Variants in CDIN1 observed in about 807,000 individuals in gnomAD.
The protein encoded by CDIN1 is CDAN1-interacting nuclease 1.
In CDIN1, 33 loss-of-function variants were observed where a neutral mutation model predicts 45.3. The ratio of observed to expected loss-of-function variants is 0.73; its 90% CI spans 0.55 to 0.97. CDIN1 has a LOEUF of 0.97. Ranked by LOEUF, CDIN1 falls within the 50% of genes least tolerant of loss-of-function variation. The pLI, the probability that CDIN1 is intolerant of heterozygous loss-of-function variation, is 0.00. For synonymous variants in CDIN1, 118 were observed against 124.4 expected, an observed-to-expected ratio of 0.95 and a Z score of 0.34; for missense variants, 303 against 339.4, an observed-to-expected ratio of 0.89 and a Z score of 0.84.
chr15:36,681,101 A>G (rs936071726), intron 5 of CDIN1, among the ~76,000 whole-genome samples: 36 of 152,294 alleles, frequency 2.4e-4, no homozygotes, highest in African/African-American at 8.7e-4. Context: ...ACTATAAACT[A>G]TAAGACAAAG....
intron 10 of CDIN1, among the ~76,000 whole-genome samples, chr15:36,805,369 CA>C (rs2055193517): frequency 6.6e-6 from 1 of 152,160 alleles, no homozygotes; most frequent in Non-Finnish European, 1.5e-5. Context: ...CTCTGCTGTG[CA>C]TATCTCCTCA....
At chr15:36,701,122 GTAGATAGATAGATAGATAGA>G (rs200063950) in intron 8 of CDIN1, among the ~76,000 whole-genome samples, 25 of 103,806 alleles carry the variant, frequency 2.4e-4, no homozygotes, top group East Asian at 2.0e-3. Flanking sequence ...AGATAGGTAG[GTAGATAGATAGATAGATAGA>G]TAGATAGATA....
At chr15:36,750,226 G>A (rs2053423486) in intron 10 of CDIN1, among the ~76,000 whole-genome samples, 1 of 151,966 alleles carries the variant, frequency 6.6e-6, no homozygotes, top group Non-Finnish European at 1.5e-5. Flanking sequence ...AAAAAAAACT[G>A]TTGAGACCAT....
chr15:36,774,591 G>A (rs1214585284), intron 10 of CDIN1, among the ~76,000 whole-genome samples: 2 of 151,970 alleles, frequency 1.3e-5, no homozygotes, highest in South Asian at 2.1e-4. Context: ...CCAATGTGCT[G>A]TTGGTAGTTT....
chr15:36,673,767 T>G (rs1255343154), intron 5 of CDIN1, among the ~76,000 whole-genome samples: 1 of 152,070 alleles, frequency 6.6e-6, no homozygotes, highest in Non-Finnish European at 1.5e-5. Context: ...AAAACTATAC[T>G]ATACCAAATA....
At chr15:36,762,392 T>A (rs2053789967) in intron 10 of CDIN1, among the ~76,000 whole-genome samples, 1 of 152,206 alleles carries the variant, frequency 6.6e-6, no homozygotes, top group Non-Finnish European at 1.5e-5. Flanking sequence ...AAAATGGCTA[T>A]TCTGTTCTGA....
intron 10 of CDIN1, among the ~76,000 whole-genome samples, chr15:36,791,543 C>A (rs1350969283): frequency 6.6e-6 from 1 of 151,882 alleles, no homozygotes; most frequent in Non-Finnish European, 1.5e-5. Context: ...TTTTATTATA[C>A]CATATATCTG....
chr15:36,681,353 C>G (rs955126047), intron 5 of CDIN1, among the ~76,000 whole-genome samples: 1 of 151,964 alleles, frequency 6.6e-6, no homozygotes, highest in Non-Finnish European at 1.5e-5. Context: ...TCTAGGGTGA[C>G]TCTAAGGAAA....
chr15:36,643,697 T>G (rs1382762211), intron 1 of CDIN1, among the ~76,000 whole-genome samples: 2 of 152,198 alleles, frequency 1.3e-5, no homozygotes, highest in African/African-American at 4.8e-5. Context: ...GGGCAGTCTT[T>G]AGGAATGATT....
chr15:36,754,969 T>A (rs1190029760), intron 10 of CDIN1, among the ~76,000 whole-genome samples: 1 of 152,156 alleles, frequency 6.6e-6, no homozygotes, highest in Non-Finnish European at 1.5e-5. Flanking sequence ...AACATTAAAT[T>A]CTTATTGTTT....
At chr15:36,664,187 A>G (rs1423404148) in intron 5 of CDIN1, among the ~76,000 whole-genome samples, 2 of 152,178 alleles carry the variant, frequency 1.3e-5, no homozygotes, top group East Asian at 3.9e-4. Context: ...AATGGAATTC[A>G]CTTCAGGCTA....
chr15:36,751,589 C>T (rs964162501), intron 10 of CDIN1, among the ~76,000 whole-genome samples: 5 of 151,702 alleles, frequency 3.3e-5, no homozygotes, highest in African/African-American at 9.7e-5. Context: ...TACAGTGTGG[C>T]GATTACTCAA....
intron 10 of CDIN1, among the ~76,000 whole-genome samples, chr15:36,734,105 A>G (rs2043928799): frequency 6.6e-6 from 1 of 152,112 alleles, no homozygotes; most frequent in Non-Finnish European, 1.5e-5. Context: ...GAGAATTATA[A>G]TGCATTGAAG....
intron 5 of CDIN1, among the ~76,000 whole-genome samples, chr15:36,683,370 C>A (rs2041923495): frequency 8.4e-6 from 1 of 119,024 alleles, no homozygotes; most frequent in Non-Finnish European, 1.7e-5. Context: ...TCAGGTTTGT[C>A]AAAGATCAGA....
intron 10 of CDIN1, among the ~76,000 whole-genome samples, chr15:36,798,306 T>C (rs1040143867): frequency 6.6e-6 from 1 of 152,222 alleles, no homozygotes; most frequent in Non-Finnish European, 1.5e-5. Flanking sequence ...TCATTTTTTC[T>C]AATGATCTAG....
chr15:36,639,871 C>T (rs1412814092), intron 1 of CDIN1, among the ~76,000 whole-genome samples: 1 of 151,958 alleles, frequency 6.6e-6, no homozygotes. Flanking sequence ...TAGTTGATTA[C>T]TACTAAGCTT....
intron 1 of CDIN1, among the ~76,000 whole-genome samples, chr15:36,582,933 A>T (rs1014229012): frequency 2.6e-5 from 4 of 152,110 alleles, no homozygotes; most frequent in Non-Finnish European, 5.9e-5. Flanking sequence ...TTTTTTGACC[A>T]CTTAATTTTC....
At position 36,776,497 on chromosome 15, in the gene CDIN1, C is replaced by CCTTT. The variant is rs879786834; in HGVS notation, c.717-31827_717-31826insCTTT. On this transcript the variant is annotated intron_variant, in intron 10 of 10. Transcript: ENST00000566621. ...CTGCATCAGAATCCTTGTTCTATGC[C>CCTTT]AGTGCCAAGTCACATAGAGCTAAAA... Among the ~76,000 whole-genome samples, 365 of 152,304 alleles carry CCTTT rather than the reference C, an allele frequency of 2.4e-3. 1 individual carries two copies. In the Middle Eastern group the frequency reaches 0.041, roughly 17 times the overall value.
chr15:36,650,173 A>T (rs1199649411), intron 3 of CDIN1, among the ~76,000 whole-genome samples: 2 of 152,180 alleles, frequency 1.3e-5, no homozygotes, highest in Non-Finnish European at 2.9e-5. Context: ...ATTGATGGGG[A>T]CTTGCAGATC....
Sources: gnomAD v4.1 joint callset for allele counts (sites outside exome capture counted in the v4.1 genomes callset) on GRCh38, gnomAD v4.1.1 for gene constraint, MANE v1.5 for transcripts, NCBI Gene and HGNC (gene_info 2026-07-23, HGNC 2026-07-21) for gene names.